The following ATP8A1 variants were observed in gnomAD, a reference collection of about 807,000 sequenced individuals.
ATP8A1 encodes the protein phospholipid-transporting ATPase IA.
ATP8A1 carries 90 observed loss-of-function variants against 177.7 expected under a neutral mutation model. That is an observed-to-expected ratio of 0.51 (90% CI 0.43 to 0.60). The LOEUF (loss-of-function observed/expected upper bound fraction) is 0.60, where lower values mean the gene tolerates loss of function less well. ATP8A1 is among the 20% of genes least tolerant of loss of function. The pLI is 0.00. For missense variants in ATP8A1, 1,072 were observed against 1,392.8 expected, an observed-to-expected ratio of 0.77 and a Z score of 3.67; for synonymous variants, 493 against 485.9, an observed-to-expected ratio of 1.01 and a Z score of -0.19.
At chr4:42,449,996 T>C (rs1053453024) in intron 30 of ATP8A1, among the ~76,000 whole-genome samples, 1 of 152,218 alleles carries the variant, frequency 6.6e-6, no homozygotes, top group Non-Finnish European at 1.5e-5. Flanking sequence ...TTCAAACCTA[T>C]ATCAATTTTG....
chr4:42,408,927 A>G lies in ATP8A1; in HGVS notation c.*3989T>C, dbSNP rs1712276788. 6.6e-6 allele frequency: 1 copy of G among 152,222 alleles called. No individual in the cohort carries two copies. 9.4% of individuals were successfully genotyped at this position (152,222 alleles called of 1,614,324 possible). ...TTCAAAGTAAGCAAATATGAAATCT[A>G]GCTTTCCTACTTAAGGGAGATTTAT... On this transcript the variant is annotated 3_prime_UTR_variant, in exon 37 of 37. Transcript: ENST00000381668.
At chr4:42,549,104 G>A (rs375286187) in intron 18 of ATP8A1, 42 bp from the exon 19 acceptor site, 332 of 1,483,326 alleles carry the variant, frequency 2.2e-4, no homozygotes, top group Non-Finnish European at 2.8e-4. Flanking sequence ...AGTTGGAAAA[G>A]TCTTAAGCTT....
chr4:42,490,662 C>T (rs551782520), intron 24 of ATP8A1, among the ~76,000 whole-genome samples: 1 of 152,282 alleles, frequency 6.6e-6, no homozygotes, highest in African/African-American at 2.4e-5. Context: ...TTTCACTTCT[C>T]TTTGCATCTT....
chr4:42,539,594 C>T (rs1728186276), intron 20 of ATP8A1, among the ~76,000 whole-genome samples: 1 of 151,820 alleles, frequency 6.6e-6, no homozygotes, highest in African/African-American at 2.4e-5. Flanking sequence ...GGTATTGGTA[C>T]AAAAATAGAC....
intron 24 of ATP8A1, among the ~76,000 whole-genome samples, chr4:42,488,438 C>T (rs1366319796): frequency 6.6e-5 from 10 of 152,160 alleles, no homozygotes; most frequent in African/African-American, 1.2e-4. Context: ...CAGTACCAGG[C>T]GCAGCAAGTT....
At chr4:42,543,292 A>G (rs1284169357) in intron 20 of ATP8A1, among the ~76,000 whole-genome samples, 1 of 152,166 alleles carries the variant, frequency 6.6e-6, no homozygotes, top group Admixed American at 6.5e-5. Flanking sequence ...GTTATAAACT[A>G]GGTAAATGGA....
chr4:42,647,912 C>A (rs775566709), intron 1 of ATP8A1, among the ~76,000 whole-genome samples: 94 of 152,184 alleles, frequency 6.2e-4, no homozygotes, highest in Non-Finnish European at 1.2e-3. Flanking sequence ...AGTAGTAAAA[C>A]CAACAGATAC....
At position 42,635,778 on chromosome 4, in the gene ATP8A1, CACACATAT is replaced by C. The variant is rs1160691452; in HGVS notation, c.50-8677_50-8670del. 5.3e-4 allele frequency among the ~76,000 whole-genome samples: 18 copies of C among 33,662 alleles called. No individual in the cohort carries two copies. The East Asian group carries it at 5.7e-3, about 11-fold the overall frequency. The allele number at this position is 33,662 out of a possible 152,430, so 22.1% of individuals were successfully genotyped here. Reference sequence around the variant, plus strand: ...ATACACACACACACACACACACACACACACATATATATATATATATATATATATATATA... The same window carrying C: ...ATACACACACACACACACACACACACATATATATATATATATATATATATA... On this transcript the variant is annotated intron_variant, in intron 1 of 36. Coordinates refer to ENST00000381668, the MANE Select transcript of ATP8A1 (RefSeq NM_006095.2).
intron 2 of ATP8A1, chr4:42,626,361 A>G (rs558358591): frequency 6.6e-6 from 1 of 152,400 alleles, no homozygotes; most frequent in Admixed American, 6.5e-5. Flanking sequence ...GTTCCTCTAG[A>G]ATTTGAAATT....
At position 42,644,813 on chromosome 4, in the gene ATP8A1, C is replaced by T. The variant is rs188927264; in HGVS notation, c.49+12012G>A. Among the ~76,000 whole-genome samples the T allele has an allele frequency of 2.6e-5, 4 of 151,106 alleles. No homozygotes were observed. In the East Asian group the frequency reaches 5.9e-4, roughly 22 times the overall value. On this transcript the variant is annotated intron_variant, in intron 1 of 36. Transcript: ENST00000381668. ...AAATTGGGAGTTTTCACATTTTGTA[C>T]GTTAACCTATAAAAGATTATTTCAT...
chr4:42,533,303 G>A (rs372920153), intron 20 of ATP8A1, among the ~76,000 whole-genome samples: 3 of 152,182 alleles, frequency 2.0e-5, no homozygotes, highest in Admixed American at 6.5e-5. Flanking sequence ...GGTGCTGTTG[G>A]GGGTGCACAG....
At chr4:42,446,861 C>T (rs4861027) in intron 30 of ATP8A1, among the ~76,000 whole-genome samples, 143,495 of 151,540 alleles carry the variant, frequency 0.95, 68,394 homozygotes, top group Non-Finnish European at 1. Context: ...GAAGGAAATC[C>T]GACTTGTTAA....
At chr4:42,499,929 T>TG (rs1723673796) in intron 24 of ATP8A1, among the ~76,000 whole-genome samples, 1 of 152,190 alleles carries the variant, frequency 6.6e-6, no homozygotes, top group South Asian at 2.1e-4. Flanking sequence ...ATAAAAGAGA[T>TG]GCAAAAGTAT....
chr4:42,432,548 C>G (rs1050390481), intron 33 of ATP8A1, among the ~76,000 whole-genome samples: 4 of 152,218 alleles, frequency 2.6e-5, no homozygotes, highest in African/African-American at 4.8e-5. Flanking sequence ...TTGTTGGACT[C>G]TTTCTCAGAG....
chr4:42,516,292 A>T (rs1725527368), intron 22 of ATP8A1, among the ~76,000 whole-genome samples: 1 of 152,210 alleles, frequency 6.6e-6, no homozygotes, highest in African/African-American at 2.4e-5. Flanking sequence ...GCTTGACAGC[A>T]GAGTTACAGT....
chr4:42,430,949 C>T (rs1048722600), intron 33 of ATP8A1, among the ~76,000 whole-genome samples: 1 of 152,046 alleles, frequency 6.6e-6, no homozygotes, highest in African/African-American at 2.4e-5. Flanking sequence ...CACCCCACCC[C>T]ACCCCATCCT....
At chr4:42,548,051 T>G (rs1207360326) in intron 19 of ATP8A1, among the ~76,000 whole-genome samples, 1 of 152,080 alleles carries the variant, frequency 6.6e-6, no homozygotes, top group East Asian at 1.9e-4. Flanking sequence ...CACGTGGGAG[T>G]AAGAGGCTGA....
rs1468347359 is a variant in ATP8A1, at chr4:42,656,881, G to A, written c.-8C>T. ...CCTCCGCATGGTGGGCATCGCGGCGGCGGCTGCAGGTGGGTCCTCAGCCCG... is the reference window on the plus strand; with the variant it reads ...CCTCCGCATGGTGGGCATCGCGGCGACGGCTGCAGGTGGGTCCTCAGCCCG... On this transcript the variant is annotated 5_prime_UTR_variant, in exon 1 of 37. Transcript: ENST00000381668. The A allele has an allele frequency of 1.3e-6, 2 of 1,582,608 alleles. No homozygotes were observed. The highest frequency in any genetic ancestry group is 2.7e-5 in the African/African-American group (2 of 73,428).
intron 5 of ATP8A1, among the ~76,000 whole-genome samples, chr4:42,607,125 T>C (rs1161537047): frequency 1.3e-5 from 2 of 152,238 alleles, no homozygotes; most frequent in African/African-American, 4.8e-5. Context: ...CAACACTTGC[T>C]GCATGGGCCT....
Sources: allele counts gnomAD v4.1 joint callset (sites outside exome capture counted in the v4.1 genomes callset), GRCh38; gene constraint gnomAD v4.1.1; transcripts MANE v1.5; gene names NCBI Gene and HGNC (gene_info 2026-07-23, HGNC 2026-07-21).